Variants in TMIGD3 observed in about 807,000 individuals in gnomAD.
TMIGD3 encodes AD026 protein (AD026).
Under a neutral mutation model 28.1 loss-of-function variants are expected in TMIGD3, and 21 were observed. The ratio of observed to expected loss-of-function variants is 0.75; its 90% CI spans 0.53 to 1.08. The LOEUF (loss-of-function observed/expected upper bound fraction) is 1.08, where lower values mean the gene tolerates loss of function less well. TMIGD3 is among the 50% of genes least tolerant of loss of function. The pLI is 0.00. For missense variants in TMIGD3, 416 were observed against 435.6 expected (o/e 0.96, Z 0.40); for synonymous variants, 151 against 162.1 (o/e 0.93, Z 0.52).
chr1:111,488,914 C>T lies in TMIGD3; in HGVS notation c.568G>A (p.Gly190Ser). 3 of 1,614,162 alleles carry T rather than the reference C, an allele frequency of 1.9e-6. No homozygotes were observed. Among genetic ancestry groups the T allele is most frequent in the Non-Finnish European group, 8.5e-7 (1 of 1,180,026 alleles). ...ATGTTGCAGTAGTCACGGAAATAGC[C>T]TCGGCACCAGTATTTGGGGTGATTC... ...YKNHPKYWCRGYFRDYCNIIA... is the reference protein window; with the variant it reads ...YKNHPKYWCRSYFRDYCNIIA... Residue 190 changes from glycine (G) to serine (S), a missense_variant, in exon 3 of 6, where the codon GGC becomes AGC. Gly to Ser is a moderately conservative substitution (Grantham distance 56). Transcript: ENST00000369716.
chr1:111,529,639 A>G (rs183535750), intron 1 of TMIGD3, among the ~76,000 whole-genome samples: 40,102 of 148,160 alleles, frequency 0.27, 5,853 homozygotes, highest in Admixed American at 0.42. Context: ...AATCCATTCA[A>G]CCCTGAGTGG....
chr1:111,528,330 T>C (rs1656339122), intron 1 of TMIGD3, among the ~76,000 whole-genome samples: 1 of 152,210 alleles, frequency 6.6e-6, no homozygotes, highest in African/African-American at 2.4e-5. Flanking sequence ...ACCATATTTA[T>C]ATGTGTCTAC....
chr1:111,518,866 G>A (rs956230288), intron 1 of TMIGD3, among the ~76,000 whole-genome samples: 1 of 152,190 alleles, frequency 6.6e-6, no homozygotes, highest in African/African-American at 2.4e-5. Context: ...GATTTTTGGA[G>A]CCAAATCAAC....
intron 1 of TMIGD3, among the ~76,000 whole-genome samples, chr1:111,536,807 CCCTT>C (rs113762370): frequency 0.085 from 12,990 of 152,022 alleles, 711 homozygotes; most frequent in Middle Eastern, 0.14. Context: ...GTGTGGTTGT[CCCTT>C]CCTTTCCTCT....
chr1:111,537,599 A>G (rs1308226182), intron 1 of TMIGD3, among the ~76,000 whole-genome samples: 1 of 152,242 alleles, frequency 6.6e-6, no homozygotes, highest in East Asian at 1.9e-4. Context: ...TTATCTTAGA[A>G]CATCAGAAAG....
chr1:111,528,713 C>T (rs2101011353), intron 1 of TMIGD3, among the ~76,000 whole-genome samples: 1 of 152,046 alleles, frequency 6.6e-6, no homozygotes, highest in South Asian at 2.1e-4. Flanking sequence ...TATAGTTTTT[C>T]TCATATAGAT....
intron 1 of TMIGD3, among the ~76,000 whole-genome samples, chr1:111,516,629 C>T (rs1302592698): frequency 3.3e-5 from 5 of 152,154 alleles, no homozygotes; most frequent in South Asian, 2.1e-4. Flanking sequence ...GTGAGTGGGG[C>T]CCAGGGTTTC....
intron 3 of TMIGD3, among the ~76,000 whole-genome samples, chr1:111,488,206 T>C (rs1446312531): frequency 4.0e-5 from 6 of 151,562 alleles, no homozygotes; most frequent in Non-Finnish European, 5.9e-5. Flanking sequence ...TTCAAGATTC[T>C]AGACCGACAA....
chr1:111,499,404 A>G lies in TMIGD3; in HGVS notation c.350+3601T>C, dbSNP rs1436267715. The G allele has an allele frequency of 1.4e-5, 14 of 988,588 alleles. No individual in the cohort carries two copies. In the East Asian group the frequency reaches 1.6e-3, roughly 111 times the overall value. 61.2% of individuals were successfully genotyped at this position (988,588 alleles called of 1,614,324 possible). ...CAGCTGGGTCTTTAAGCCCCAAGTT[A>G]CCCCAGCAAAGAGCTACACTCCAGT... On this transcript the variant is annotated intron_variant, in intron 1 of 5. Coordinates refer to ENST00000369716, the MANE Select transcript of TMIGD3 (RefSeq NM_020683.7).
intron 1 of TMIGD3, among the ~76,000 whole-genome samples, chr1:111,495,742 A>G (rs2100970028): frequency 6.6e-6 from 1 of 152,328 alleles, no homozygotes; most frequent in South Asian, 2.1e-4. Flanking sequence ...TAGCAAAGAC[A>G]TGGAATCAAC....
At chr1:111,530,999 T>C (rs1273543708) in intron 1 of TMIGD3, among the ~76,000 whole-genome samples, 1 of 152,248 alleles carries the variant, frequency 6.6e-6, no homozygotes, top group Non-Finnish European at 1.5e-5. Context: ...CATAGCTTAC[T>C]CATGCTTTTT....
At chr1:111,485,481 G>A (rs1030399918) in intron 5 of TMIGD3, 5 of 384,906 alleles carry the variant, frequency 1.3e-5, no homozygotes, top group African/African-American at 8.3e-5. Context: ...GGAACCTGGT[G>A]TGGTTGTCTC....
chr1:111,506,974 C>T (rs1488994508), upstream of TMIGD3, among the ~76,000 whole-genome samples: 3 of 147,120 alleles, frequency 2.0e-5, no homozygotes, highest in Non-Finnish European at 4.5e-5. Flanking sequence ...TACACACACA[C>T]ACATATACAT....
At chr1:111,489,677 C>T in intron 2 of TMIGD3, 1 of 1,128,402 alleles carries the variant, frequency 8.9e-7, no homozygotes, top group Non-Finnish European at 1.1e-6. Context: ...GTTAGGAGGC[C>T]CTCTGTCCCT....
chr1:111,506,461 A>T (rs1225326492), upstream of TMIGD3, among the ~76,000 whole-genome samples: 1 of 152,254 alleles, frequency 6.6e-6, no homozygotes, highest in Non-Finnish European at 1.5e-5. Context: ...ATGCTGAGCA[A>T]GTTGAGACTC....
chr1:111,490,579 T>G, intron 2 of TMIGD3, 77 bp downstream of exon 2: 3 of 1,061,710 alleles, frequency 2.8e-6, no homozygotes, highest in Non-Finnish European at 4.3e-6. Flanking sequence ...GGACTCCAAG[T>G]AGGTGAGGAC....
At chr1:111,527,424 T>C (rs1656305662) in intron 1 of TMIGD3, among the ~76,000 whole-genome samples, 1 of 152,248 alleles carries the variant, frequency 6.6e-6, no homozygotes, top group South Asian at 2.1e-4. Flanking sequence ...AAACATCTTG[T>C]TTACTTCCAA....
intron 1 of TMIGD3, among the ~76,000 whole-genome samples, chr1:111,512,057 C>T (rs1040955334): frequency 5.9e-5 from 9 of 152,244 alleles, no homozygotes; most frequent in African/African-American, 2.2e-4. Flanking sequence ...TTCACTGGCT[C>T]GTTTGTCACT....
At chr1:111,555,853 G>A (rs972837307) in intron 1 of TMIGD3, among the ~76,000 whole-genome samples, 4 of 152,076 alleles carry the variant, frequency 2.6e-5, no homozygotes, top group Non-Finnish European at 5.9e-5. Context: ...ATTGGATTTG[G>A]CAACGATTTC....
Sources: allele counts gnomAD v4.1 joint callset (sites outside exome capture counted in the v4.1 genomes callset), GRCh38; gene constraint gnomAD v4.1.1; transcripts MANE v1.5; gene names NCBI Gene and HGNC (gene_info 2026-07-23, HGNC 2026-07-21).